The following APPBP2 variants were observed in gnomAD, a reference collection of about 807,000 sequenced individuals.
APPBP2 encodes amyloid protein-binding protein 2.
In APPBP2, 15 loss-of-function variants were observed where a neutral mutation model predicts 76.0. The observed-to-expected ratio is 0.20, with a 90% CI of 0.13 to 0.30. APPBP2 has a LOEUF of 0.30. APPBP2 is among the 10% of genes least tolerant of loss of function. The pLI is 1.00. For missense variants in APPBP2, 401 were observed against 687.2 expected (o/e 0.58, Z 4.66); for synonymous variants, 222 against 242.2 (o/e 0.92, Z 0.77).
chr17:60,519,784 T>C (rs1273724326), intron 1 of APPBP2, among the ~76,000 whole-genome samples: 1 of 145,662 alleles, frequency 6.9e-6, no homozygotes, highest in Non-Finnish European at 1.5e-5. Flanking sequence ...TTTAATTTTT[T>C]TTTTTTTTTT....
In APPBP2 at chr17:60,447,845, A is replaced by G. The variant is rs553859274; in HGVS notation, c.1505-11T>C. On this transcript the variant is annotated splice_polypyrimidine_tract_variant and intron_variant, in intron 12 of 12. Transcript: ENST00000083182. Reference sequence around the variant, plus strand: ...CAAAAAGTTTCTTCCCTGTAACAAAAAAGAAAAAGGAAAAAAAAAAAAGCA... The same window carrying G: ...CAAAAAGTTTCTTCCCTGTAACAAAGAAGAAAAAGGAAAAAAAAAAAAGCA... 1.3e-6 allele frequency: 2 copies of G among 1,557,760 alleles called. No homozygotes were observed. Among genetic ancestry groups the G allele is most frequent in the Admixed American group, 2.1e-5 (1 of 46,792 alleles).
At chr17:60,454,251 G>A (rs2090416875) in intron 11 of APPBP2, 51 bp downstream of exon 11, 1 of 1,285,358 alleles carries the variant, frequency 7.8e-7, no homozygotes, top group Non-Finnish European at 1.1e-6. Context: ...ATTATTTCAG[G>A]TTCTATTTCA....
intron 4 of APPBP2, 114 bp from the exon 5 acceptor site, chr17:60,466,573 G>A: frequency 9.2e-7 from 1 of 1,081,854 alleles, no homozygotes; most frequent in Non-Finnish European, 1.3e-6. Flanking sequence ...TTACAAGGCA[G>A]CATTGAAAAT....
chr17:60,504,005 T>C (rs1378234695), intron 1 of APPBP2, among the ~76,000 whole-genome samples: 2 of 152,154 alleles, frequency 1.3e-5, no homozygotes, highest in African/African-American at 4.8e-5. Flanking sequence ...ATTTAAAATA[T>C]TTTTATAGAA....
chr17:60,494,755 A>G lies in APPBP2; in HGVS notation c.228-138T>C, dbSNP rs1339080234. 5 of 770,474 alleles carry G rather than the reference A, an allele frequency of 6.5e-6. No individual in the cohort carries two copies. In the East Asian group the frequency reaches 1.5e-4, roughly 23 times the overall value. 47.7% of individuals were successfully genotyped at this position (770,474 alleles called of 1,614,324 possible). A position where few individuals can be genotyped will look rare whatever the true frequency, so the allele number is the denominator to read the frequency against. On this transcript the variant is annotated intron_variant, in intron 2 of 12. Coordinates refer to ENST00000083182, the MANE Select transcript of APPBP2 (RefSeq NM_006380.5). ...AGATAAAAAGCATTTTGCCTTATCA[A>G]TTACAAGGCCATAATTCAAAATTTA...
chr17:60,452,459 A>G (rs753773243), intron 11 of APPBP2, among the ~76,000 whole-genome samples: 3 of 152,222 alleles, frequency 2.0e-5, no homozygotes, highest in Admixed American at 6.5e-5. Flanking sequence ...GCTCTAGATC[A>G]TAATATGTTA....
At chr17:60,479,047 A>T in intron 4 of APPBP2, 101 bp downstream of exon 4, 4 of 1,158,302 alleles carry the variant, frequency 3.5e-6, no homozygotes, top group Non-Finnish European at 2.4e-6. Context: ...ATATCATCTC[A>T]GAGATTTACT....
intron 1 of APPBP2, among the ~76,000 whole-genome samples, chr17:60,510,672 C>G (rs528796954): frequency 8.5e-5 from 13 of 152,090 alleles, no homozygotes; most frequent in African/African-American, 3.1e-4. Context: ...GCCATAATTG[C>G]TCCACTACAC....
intron 1 of APPBP2, among the ~76,000 whole-genome samples, chr17:60,500,952 A>C (rs958634787): frequency 2.6e-5 from 4 of 152,236 alleles, no homozygotes; most frequent in African/African-American, 9.6e-5. Flanking sequence ...ATAGTAATAC[A>C]GGATGGCAGG....
In APPBP2 at chr17:60,456,283, T is replaced by G; in HGVS notation, c.1147+13A>C. 1 of 1,541,628 alleles carries G rather than the reference T, an allele frequency of 6.5e-7. No individual in the cohort carries two copies. The highest frequency in any genetic ancestry group is 9.0e-7 in the Non-Finnish European group (1 of 1,115,066). On this transcript the variant is annotated intron_variant, in intron 10 of 12. Transcript: ENST00000083182. ...CTATTTTAAAATATCTGAGACTAGA[T>G]TACAAAGGATACCTTTCACCCTCTT... is the stretch of plus-strand genomic sequence containing the variant.
intron 1 of APPBP2, among the ~76,000 whole-genome samples, chr17:60,522,511 G>GA (rs2091017819): frequency 6.6e-6 from 1 of 152,060 alleles, no homozygotes; most frequent in Non-Finnish European, 1.5e-5. Flanking sequence ...TTTTTGTAGA[G>GA]AAGGGGTCTA....
chr17:60,459,201 A>G (rs148548691), intron 9 of APPBP2, among the ~76,000 whole-genome samples: 1 of 152,236 alleles, frequency 6.6e-6, no homozygotes, highest in African/African-American at 2.4e-5. Flanking sequence ...AGCTTCGTCT[A>G]TGAAATGTCT....
intron 3 of APPBP2, among the ~76,000 whole-genome samples, chr17:60,480,245 T>C (rs1428393810): frequency 1.3e-5 from 2 of 151,948 alleles, no homozygotes; most frequent in Non-Finnish European, 2.9e-5. Flanking sequence ...TGGTGGCGAG[T>C]GCCTGTAGTC....
In APPBP2 at chr17:60,500,387, A is replaced by G. The variant is rs1294261788; in HGVS notation, c.227+12T>C. 37 of 1,555,434 alleles carry G rather than the reference A, an allele frequency of 2.4e-5. No homozygotes were observed. The highest frequency in any genetic ancestry group is 3.2e-5 in the Non-Finnish European group (37 of 1,144,474). ...TTATGTATATTTTACAATTTTTTAAAAAAGAATTTACCTTTTATCCAAAGC... is the reference window on the plus strand; with the variant it reads ...TTATGTATATTTTACAATTTTTTAAGAAAGAATTTACCTTTTATCCAAAGC... On this transcript the variant is annotated intron_variant, in intron 2 of 12. Transcript: ENST00000083182.
chr17:60,488,532 G>A (rs1001031293), intron 3 of APPBP2, among the ~76,000 whole-genome samples: 7 of 152,152 alleles, frequency 4.6e-5, no homozygotes, highest in Admixed American at 2.0e-4. Flanking sequence ...CTGCTAATGG[G>A]TACTGTTTTC....
At chr17:60,452,856 C>A (rs746733377) in intron 11 of APPBP2, among the ~76,000 whole-genome samples, 32 of 151,992 alleles carry the variant, frequency 2.1e-4, no homozygotes, top group Non-Finnish European at 3.8e-4. Flanking sequence ...TCACCTGAGC[C>A]CAGGGAGGTT....
At position 60,443,799 on chromosome 17, in the gene APPBP2, G is replaced by C. The variant is rs1051282; in HGVS notation, c.*3782C>G. 11 of 152,568 alleles carry C rather than the reference G, an allele frequency of 7.2e-5. No individual in the cohort carries two copies. The highest frequency in any genetic ancestry group is 1.0e-4 in the Non-Finnish European group (7 of 68,026). 9.5% of individuals were successfully genotyped at this position (152,568 alleles called of 1,614,324 possible). Reference sequence around the variant, plus strand: ...ACTCACTAAGGCCACTCATGCTATAGATACCTAGGATTGCAATTAAAGAAT... The same window carrying C: ...ACTCACTAAGGCCACTCATGCTATACATACCTAGGATTGCAATTAAAGAAT... On this transcript the variant is annotated 3_prime_UTR_variant, in exon 13 of 13. Coordinates refer to ENST00000083182, the MANE Select transcript of APPBP2 (RefSeq NM_006380.5).
chr17:60,473,382 A>C (rs1269600394), intron 4 of APPBP2, among the ~76,000 whole-genome samples: 1 of 152,250 alleles, frequency 6.6e-6, no homozygotes, highest in Non-Finnish European at 1.5e-5. Flanking sequence ...TCCCAAATGC[A>C]TATTTTAAAA....
intron 6 of APPBP2, 197 bp from the exon 7 acceptor site, chr17:60,462,258 GA>G (rs2090480878): frequency 1.9e-6 from 1 of 513,254 alleles, no homozygotes; most frequent in Admixed American, 3.6e-5. Flanking sequence ...TATAAGCTGG[GA>G]AAATTATAAA....
Sources: allele counts gnomAD v4.1 joint callset (sites outside exome capture counted in the v4.1 genomes callset), GRCh38; gene constraint gnomAD v4.1.1; transcripts MANE v1.5; gene names NCBI Gene and HGNC (gene_info 2026-07-23, HGNC 2026-07-21).